The following H2BC18 variants were observed in gnomAD, a reference collection of about 807,000 sequenced individuals.
H2BC18 encodes histone H2B type 2-F.
In H2BC18, 8 loss-of-function variants were observed where a neutral mutation model predicts 6.3. The observed-to-expected ratio is 1.28, with a 90% CI of 0.75 to 2.31. The LOEUF is 2.31. Among genes scored for constraint, H2BC18 ranks in the 30% most tolerant of loss-of-function variants. The pLI, the probability that H2BC18 is intolerant of heterozygous loss-of-function variation, is 0.00. For missense variants in H2BC18, 106 were observed against 174.5 expected (o/e 0.61, Z 2.21); for synonymous variants, 104 against 78.1 (o/e 1.33, Z -1.75).
At position 149,792,890 on chromosome 1, in the gene H2BC18, C is replaced by A. The variant is rs1232753418; in HGVS notation, c.378-9630G>T. 41 of 1,261,588 alleles carry A rather than the reference C, an allele frequency of 3.2e-5. No homozygotes were observed. In the East Asian group the frequency reaches 6.4e-4, roughly 20 times the overall value. The allele number at this position is 1,261,588 out of a possible 1,614,324, so 78.1% of individuals were successfully genotyped here. On this transcript the variant is annotated intron_variant, in intron 1 of 1. Transcript: ENST00000545683. Reference sequence around the variant, plus strand: ...CCATTCGCCCGAGTCAAGGGGCGGCCCCCCAAAATCCCAACGTCATTGTTT... The same window carrying A: ...CCATTCGCCCGAGTCAAGGGGCGGCACCCCAAAATCCCAACGTCATTGTTT...
At chr1:149,806,575 G>A (rs1325853228) in intron 1 of H2BC18, among the ~76,000 whole-genome samples, 15 of 151,514 alleles carry the variant, frequency 9.9e-5, no homozygotes, top group Admixed American at 7.9e-4. Flanking sequence ...ACAACAGAGC[G>A]AGACGCGAGA....
In H2BC18 at chr1:149,812,182, G is replaced by A; in HGVS notation, c.142C>T (p.Gln48Ter). The A allele has an allele frequency of 6.2e-7, 1 of 1,614,278 alleles. No individual in the cohort carries two copies. ...GAGATGCCGGTGTCGGGGTGGACCTGCTTCAGCACCTTGTACACGTAAACG... is the reference window on the plus strand; with the variant it reads ...GAGATGCCGGTGTCGGGGTGGACCTACTTCAGCACCTTGTACACGTAAACG... ...YSVYVYKVLK[Q>*]VHPDTGISSK... Residue 48 changes from glutamine to a stop codon, truncating the protein, a stop_gained, in exon 1 of 1, where the codon CAG (glutamine) becomes TAG (stop). Transcript: ENST00000369167. LOFTEE classifies it high-confidence loss of function.
chr1:149,807,223 C>A (rs1355045955), downstream of H2BC18, among the ~76,000 whole-genome samples: 1 of 152,002 alleles, frequency 6.6e-6, no homozygotes, highest in African/African-American at 2.4e-5. Context: ...ATAGTCACAC[C>A]AATCTATAAT....
rs1353990562 is a variant in H2BC18 at position 149,812,162 on chromosome 1, G to A, written c.162C>T (p.Gly54=). ...KVLKQVHPDT[G]ISSKAMGIMN... is the part of the protein sequence containing the mutation. ...TGATGCCCATGGCCTTGGACGAGAT[G>A]CCGGTGTCGGGGTGGACCTGCTTCA... is the stretch of plus-strand genomic sequence containing the variant. The change falls in exon 1 of 1, where the codon GGC becomes GGT. Residue 54 remains glycine, a synonymous_variant. Transcript: ENST00000369167. 1.2e-6 allele frequency: 2 copies of A among 1,614,288 alleles called. No individual in the cohort carries two copies. The highest frequency in any genetic ancestry group is 1.3e-5 in the African/African-American group (1 of 75,082).
intron 1 of H2BC18, chr1:149,792,696 C>G (rs1553752168): frequency 1.6e-6 from 2 of 1,282,040 alleles, no homozygotes; most frequent in Non-Finnish European, 2.0e-6. Flanking sequence ...CCAGCTGCGG[C>G]GAAAGCTGTT....
intron 1 of H2BC18, chr1:149,791,577 G>A: frequency 6.2e-7 from 1 of 1,602,120 alleles, no homozygotes; most frequent in South Asian, 1.1e-5. Context: ...CTCCCCGTGA[G>A]CACTGCGTAC....
intron 1 of H2BC18, among the ~76,000 whole-genome samples, chr1:149,796,097 T>C (rs2749354): frequency 6.6e-6 from 1 of 151,262 alleles, no homozygotes; most frequent in Non-Finnish European, 1.5e-5. Context: ...TGTCCTTCTC[T>C]CTTTATTCTC....
In H2BC18 at chr1:149,791,156, A is replaced by G. The variant is rs1337381327; in HGVS notation, c.378-7896T>C. On this transcript the variant is annotated intron_variant, in intron 1 of 1. Transcript: ENST00000545683. ...GGACAGGCACATCAGGTCTCAGCCAACCTTCCCTTCCAAACATAACTCAGC... is the reference window on the plus strand; with the variant it reads ...GGACAGGCACATCAGGTCTCAGCCAGCCTTCCCTTCCAAACATAACTCAGC... 1.6e-5 allele frequency: 25 copies of G among 1,603,490 alleles called. 1 individual carries two copies. In the East Asian group the frequency reaches 3.9e-4, roughly 25 times the overall value.
intron 1 of H2BC18, chr1:149,793,846 C>A (rs1346371184): frequency 1.6e-6 from 2 of 1,257,088 alleles, no homozygotes; most frequent in African/African-American, 1.5e-5. Flanking sequence ...GAGAAGTAAT[C>A]CCCAAAGCAG....
intron 1 of H2BC18, chr1:149,786,401 GT>G (rs2091550916): frequency 6.6e-6 from 1 of 152,012 alleles, no homozygotes; most frequent in South Asian, 2.1e-4. Flanking sequence ...TAATATTAAA[GT>G]TTTGTTTGTT....
chr1:149,809,401 T>C (rs1221005400), downstream of H2BC18, among the ~76,000 whole-genome samples: 2 of 151,250 alleles, frequency 1.3e-5, no homozygotes, highest in African/African-American at 4.9e-5. Flanking sequence ...GGCCAATAAT[T>C]ATGAAGGGCA....
At chr1:149,800,154 G>A (rs587619459) in intron 1 of H2BC18, among the ~76,000 whole-genome samples, 1 of 152,038 alleles carries the variant, frequency 6.6e-6, no homozygotes, top group African/African-American at 2.4e-5. Flanking sequence ...TGGGTTTACT[G>A]GTTTATAACA....
At chr1:149,792,716 C>A in intron 1 of H2BC18, 1 of 1,283,678 alleles carries the variant, frequency 7.8e-7, no homozygotes. Flanking sequence ...TGGGCGCGCG[C>A]TTCTCCGCAG....
rs367745742 is a variant in H2BC18 at position 149,812,330 on chromosome 1, G to A, written c.-7C>T. 7.4e-6 allele frequency: 12 copies of A among 1,613,496 alleles called. No homozygotes were observed. In the Admixed American group the frequency reaches 8.4e-5, roughly 11 times the overall value. On this transcript the variant is annotated 5_prime_UTR_variant, in exon 1 of 1. Coordinates refer to ENST00000369167, the MANE Select transcript of H2BC18 (RefSeq NM_001024599.5). The stretch of plus-strand genomic sequence containing the variant: ...ATTTCGCTGGATCCGGCATTTTTGC[G>A]CGAAAAAAGAGAAAAGAGACTTAAA...
At chr1:149,803,635 A>T (rs2091892824) in intron 1 of H2BC18, 1 of 152,228 alleles carries the variant, frequency 6.6e-6, no homozygotes, top group African/African-American at 2.4e-5. Flanking sequence ...ACCAAGGAAA[A>T]ATACTAAGGA....
intron 1 of H2BC18, chr1:149,791,333 G>T (rs782220562): frequency 1.3e-6 from 2 of 1,589,394 alleles, no homozygotes; most frequent in Admixed American, 1.7e-5. Context: ...GTGACAATAC[G>T]TAAAGAACTG....
intron 1 of H2BC18, among the ~76,000 whole-genome samples, chr1:149,804,487 G>A (rs2091900419): frequency 6.6e-6 from 1 of 152,220 alleles, no homozygotes; most frequent in Non-Finnish European, 1.5e-5. Flanking sequence ...TTTCCTTAAT[G>A]CAAGATGCTT....
downstream of H2BC18, among the ~76,000 whole-genome samples, chr1:149,808,081 C>T (rs1245296109): frequency 6.6e-6 from 1 of 151,966 alleles, no homozygotes; most frequent in Non-Finnish European, 1.5e-5. Flanking sequence ...GGAAATGTTA[C>T]AACCTGGATG....
chr1:149,785,414 T>C (rs1260317128), intron 1 of H2BC18, among the ~76,000 whole-genome samples: 5 of 131,440 alleles, frequency 3.8e-5, no homozygotes, highest in East Asian at 2.1e-4. Context: ...TTTCGTTTTT[T>C]TTTTTTTTTT....
Sources: gnomAD v4.1 joint callset for allele counts (sites outside exome capture counted in the v4.1 genomes callset) on GRCh38, gnomAD v4.1.1 for gene constraint, MANE v1.5 for transcripts, NCBI Gene and HGNC (gene_info 2026-07-23, HGNC 2026-07-21) for gene names.